The following C1orf141 variants were observed in gnomAD, a reference collection of about 807,000 sequenced individuals.
C1orf141 encodes the protein chromosome 1 open reading frame 141, also known as uncharacterized protein C1orf141.
Under a neutral mutation model 23.2 loss-of-function variants are expected in C1orf141, and 19 were observed. The ratio of observed to expected loss-of-function variants is 0.82; its 90% CI spans 0.57 to 1.20. The LOEUF (loss-of-function observed/expected upper bound fraction) is 1.20. C1orf141 is among the 50% of genes most tolerant of loss of function. The probability of loss-of-function intolerance (pLI) is 0.00; values close to 1 mark genes in which losing one functional copy is unlikely to be tolerated. For synonymous variants in C1orf141, 153 were observed against 154.6 expected (o/e 0.99, Z 0.08); for missense variants, 469 against 455.1 (o/e 1.03, Z -0.28).
In C1orf141 at chr1:67,125,924, AAGTG is replaced by A; in HGVS notation, c.76-19_76-16del. The A allele has an allele frequency of 6.8e-7, 1 of 1,469,532 alleles. No homozygotes were observed. The highest frequency in any genetic ancestry group is 1.6e-5 in the African/African-American group (1 of 60,880). The allele number at this position is 1,469,532 out of a possible 1,614,324, so 91.0% of individuals were successfully genotyped here. ...AGCCTGTTTATCTGCAGCAATGCCA[AAGTG>A]AAAAAAAAAAAAAAAAAAAGAGTAC... On this transcript the variant is annotated splice_polypyrimidine_tract_variant and intron_variant, in intron 3 of 7. Coordinates refer to ENST00000684719, the MANE Select transcript of C1orf141 (RefSeq NM_001276351.2).
At chr1:67,129,424 T>C (rs1474530402) in intron 2 of C1orf141, among the ~76,000 whole-genome samples, 2 of 152,132 alleles carry the variant, frequency 1.3e-5, no homozygotes, top group Non-Finnish European at 2.9e-5. Context: ...ATGATCATGC[T>C]TCTGCACCCC....
Position 67,092,488 on chromosome 1 carries a change from A to G in C1orf141, c.*517T>C, listed in dbSNP as rs965026974. Reference sequence around the variant, plus strand: ...AATGAAGTTCCAACAGCTACTAATGACAATAAAATCTATTCAAAGTTTTAC... The same window carrying G: ...AATGAAGTTCCAACAGCTACTAATGGCAATAAAATCTATTCAAAGTTTTAC... On this transcript the variant is annotated 3_prime_UTR_variant, in exon 8 of 8. Transcript: ENST00000684719. 6.6e-6 allele frequency: 1 copy of G among 152,318 alleles called. No homozygotes were observed. Among genetic ancestry groups the G allele is most frequent in the African/African-American group, 2.4e-5 (1 of 41,462 alleles). 9.4% of individuals were successfully genotyped at this position (152,318 alleles called of 1,614,324 possible).
rs185197773 is a variant in C1orf141 at position 67,140,599 on chromosome 1, G to T, written c.-103-9372C>A. ...TACTGGTTGAACTGTACATTGTTAGGATGGGAATTTACAGTTTATGTAAAA... is the reference window on the plus strand; with the variant it reads ...TACTGGTTGAACTGTACATTGTTAGTATGGGAATTTACAGTTTATGTAAAA... On this transcript the variant is annotated intron_variant, in intron 1 of 7. Transcript: ENST00000371007. 5.9e-5 allele frequency among the ~76,000 whole-genome samples: 9 copies of T among 152,248 alleles called. No homozygotes were observed. In the East Asian group the frequency reaches 1.7e-3, roughly 29 times the overall value.
chr1:67,121,640 A>G (rs1426447220), intron 4 of C1orf141: 1 of 152,252 alleles, frequency 6.6e-6, no homozygotes, highest in East Asian at 1.9e-4. Context: ...TTGGTATGCC[A>G]TTGAATTTTA....
At chr1:67,117,559 T>C (rs1383032693) in intron 4 of C1orf141, among the ~76,000 whole-genome samples, 1 of 152,246 alleles carries the variant, frequency 6.6e-6, no homozygotes, top group African/African-American at 2.4e-5. Flanking sequence ...TAAAACAATT[T>C]ATCTGTTCCT....
chr1:67,133,926 C>T (rs1287742209), intron 1 of C1orf141, among the ~76,000 whole-genome samples: 1 of 152,210 alleles, frequency 6.6e-6, no homozygotes, highest in Non-Finnish European at 1.5e-5. Context: ...GCTAGTACAG[C>T]CCAGGCACTG....
At chr1:67,112,621 A>G (rs1453084026) in intron 5 of C1orf141, among the ~76,000 whole-genome samples, 1 of 152,050 alleles carries the variant, frequency 6.6e-6, no homozygotes. Context: ...AGGATTACTG[A>G]GCCAGGGAGG....
intron 5 of C1orf141, chr1:67,103,133 T>C: frequency 7.1e-6 from 4 of 566,148 alleles, no homozygotes; most frequent in Non-Finnish European, 1.2e-5. Context: ...GGTAGTATGA[T>C]CAAAGACGAA....
intron 5 of C1orf141, among the ~76,000 whole-genome samples, chr1:67,109,326 C>CAAAAAAAAAAAAAA (rs58157985): frequency 3.6e-5 from 3 of 83,410 alleles, no homozygotes; most frequent in African/African-American, 1.5e-4. Flanking sequence ...GACTCCGTCT[C>CAAAAAAAAAAAAAA]AAAAAAAAAA....
chr1:67,131,045 T>TG (rs896088408), intron 2 of C1orf141, 97 bp downstream of exon 2: 17 of 152,328 alleles, frequency 1.1e-4, no homozygotes, highest in African/African-American at 4.1e-4. Flanking sequence ...ACTAATATGA[T>TG]GGTGTTCCCC....
At chr1:67,108,667 G>A (rs575154866) in intron 5 of C1orf141, among the ~76,000 whole-genome samples, 7 of 152,270 alleles carry the variant, frequency 4.6e-5, no homozygotes, top group Admixed American at 1.3e-4. Context: ...GGTGAAGGTT[G>A]CAGTGAGCAG....
chr1:67,098,705 A>T (rs1645739015), intron 5 of C1orf141, among the ~76,000 whole-genome samples: 1 of 152,178 alleles, frequency 6.6e-6, no homozygotes, highest in East Asian at 1.9e-4. Flanking sequence ...TTTAATTAAC[A>T]GTGTCAATTG....
At chr1:67,125,665 C>T in intron 4 of C1orf141, 87 bp downstream of exon 4, 1 of 1,302,874 alleles carries the variant, frequency 7.7e-7, no homozygotes, top group Non-Finnish European at 1.1e-6. Flanking sequence ...CACCACTGCA[C>T]TCTACCCTAG....
chr1:67,127,569 CTT>C (rs1171911693), intron 2 of C1orf141, among the ~76,000 whole-genome samples: 1 of 152,026 alleles, frequency 6.6e-6, no homozygotes, highest in Non-Finnish European at 1.5e-5. Flanking sequence ...TGTGGCTTGA[CTT>C]ATATCTATTT....
At chr1:67,101,127 AC>A (rs1249187914) in intron 5 of C1orf141, among the ~76,000 whole-genome samples, 1 of 152,070 alleles carries the variant, frequency 6.6e-6, no homozygotes, top group Non-Finnish European at 1.5e-5. Flanking sequence ...TTTTCTTTGC[AC>A]AGTTATCGTT....
chr1:67,112,893 A>G (rs532277491), intron 5 of C1orf141, among the ~76,000 whole-genome samples: 14 of 152,342 alleles, frequency 9.2e-5, no homozygotes, highest in African/African-American at 3.4e-4. Flanking sequence ...GCATGAATAG[A>G]GTATTGGTGT....
chr1:67,094,105 C>T (rs926452672), intron 7 of C1orf141: 4 of 152,312 alleles, frequency 2.6e-5, no homozygotes, highest in African/African-American at 9.7e-5. Context: ...TTATTGTACC[C>T]TAATACTTAG....
intron 5 of C1orf141, chr1:67,103,341 A>C (rs1570687922): frequency 1.4e-6 from 2 of 1,478,804 alleles, no homozygotes. Context: ...ATGCTTGTCT[A>C]TGCTGTGAAT....
chr1:67,134,567 C>G (rs899260425), intron 1 of C1orf141, among the ~76,000 whole-genome samples: 2 of 152,232 alleles, frequency 1.3e-5, no homozygotes, highest in African/African-American at 4.8e-5. Flanking sequence ...CACCTTCCCC[C>G]AGGTGCCTCC....
Sources: gnomAD v4.1 joint callset for allele counts (sites outside exome capture counted in the v4.1 genomes callset) on GRCh38, gnomAD v4.1.1 for gene constraint, MANE v1.5 for transcripts, NCBI Gene and HGNC (gene_info 2026-07-23, HGNC 2026-07-21) for gene names.